Variants in RASSF2 observed in about 807,000 individuals in gnomAD.
RASSF2 encodes Ras association domain family member 2, also known as ras association domain-containing protein 2.
A neutral mutation model predicts 46.3 loss-of-function variants in RASSF2; 34 were observed. The observed-to-expected ratio is 0.73, with a 90% CI of 0.56 to 0.98. The LOEUF (loss-of-function observed/expected upper bound fraction) is 0.98, where lower values mean the gene tolerates loss of function less well. Ranked by LOEUF, RASSF2 falls within the 50% of genes least tolerant of loss-of-function variation. The pLI is 0.00. For synonymous variants in RASSF2, 158 were observed against 162.5 expected (o/e 0.97, Z 0.21); for missense variants, 364 against 431.2 (o/e 0.84, Z 1.38).
intron 6 of RASSF2, among the ~76,000 whole-genome samples, chr20:4,792,159 G>A (rs1467650984): frequency 6.6e-6 from 1 of 151,618 alleles, no homozygotes; most frequent in African/African-American, 2.4e-5. Flanking sequence ...GCAGAGGTGG[G>A]AGGATCACTT....
chr20:4,811,637 T>G (rs1393890341), intron 2 of RASSF2, among the ~76,000 whole-genome samples: 1 of 152,128 alleles, frequency 6.6e-6, no homozygotes, highest in Non-Finnish European at 1.5e-5. Flanking sequence ...CTACTAATAT[T>G]TCCAAGGAGA....
intron 2 of RASSF2, among the ~76,000 whole-genome samples, chr20:4,813,338 C>T (rs1392818627): frequency 6.6e-6 from 1 of 152,168 alleles, no homozygotes; most frequent in Non-Finnish European, 1.5e-5. Flanking sequence ...CTTCTGCCAC[C>T]AACTGTGGCC....
chr20:4,787,325 C>T (rs1303967267), intron 10 of RASSF2, among the ~76,000 whole-genome samples: 1 of 152,144 alleles, frequency 6.6e-6, no homozygotes, highest in East Asian at 1.9e-4. Context: ...GTAACTACTG[C>T]CCCAAAAGCC....
Position 4,790,355 on chromosome 20 carries a change from C to T in RASSF2, c.537+96G>A. Reference sequence around the variant, plus strand: ...AAACAGCAGCAAACACTTGGCTTCCCAGGCATCCACACCACCCACCATATG... The same window carrying T: ...AAACAGCAGCAAACACTTGGCTTCCTAGGCATCCACACCACCCACCATATG... On this transcript the variant is annotated intron_variant, in intron 7 of 11. Transcript: ENST00000379400. The surrounding 1 kb of genome is among the most constrained non-coding windows in gnomAD (Gnocchi z 4.3). 1.5e-6 allele frequency: 2 copies of T among 1,299,336 alleles called. No homozygotes were observed. The highest frequency in any genetic ancestry group is 2.0e-6 in the Non-Finnish European group (2 of 998,634). The allele number at this position is 1,299,336 out of a possible 1,614,324, so 80.5% of individuals were successfully genotyped here.
intron 2 of RASSF2, among the ~76,000 whole-genome samples, chr20:4,815,574 C>T (rs1928237885): frequency 6.6e-6 from 1 of 152,174 alleles, no homozygotes; most frequent in African/African-American, 2.4e-5. Flanking sequence ...AGGCAGAGAT[C>T]CTCCTTCTCG....
chr20:4,814,273 G>A lies in RASSF2; in HGVS notation c.-33+8056C>T, dbSNP rs1052906812. On this transcript the variant is annotated intron_variant, in intron 2 of 11. Transcript: ENST00000379400. ...AGCTCTGCAGAGACAGAGACAGACA[G>A]ATCCAGGCAGGTAAGGAGGGGCTGC... is the stretch of plus-strand genomic sequence containing the variant. Among the ~76,000 whole-genome samples, 6 of 152,202 alleles carry A rather than the reference G, an allele frequency of 3.9e-5. No homozygotes were observed. In the South Asian group the frequency reaches 1.0e-3, roughly 26 times the overall value.
chr20:4,805,641 T>C (rs1927282107), intron 2 of RASSF2, among the ~76,000 whole-genome samples: 1 of 151,866 alleles, frequency 6.6e-6, no homozygotes, highest in Admixed American at 6.6e-5. Flanking sequence ...TTTGGAAAGG[T>C]CACCCACCCA....
At chr20:4,804,293 G>A (rs1032703694) in intron 2 of RASSF2, among the ~76,000 whole-genome samples, 12 of 150,574 alleles carry the variant, frequency 8.0e-5, no homozygotes, top group African/African-American at 2.2e-4. Flanking sequence ...CATGAAAACC[G>A]GAGTACACAT....
At chr20:4,811,681 T>C (rs1927830222) in intron 2 of RASSF2, among the ~76,000 whole-genome samples, 1 of 152,212 alleles carries the variant, frequency 6.6e-6, no homozygotes, top group South Asian at 2.1e-4. Context: ...GCAGGGTCTA[T>C]GTGTGCAGGC....
At chr20:4,818,499 C>T (rs978473694) in intron 2 of RASSF2, among the ~76,000 whole-genome samples, 1 of 152,140 alleles carries the variant, frequency 6.6e-6, no homozygotes, top group Non-Finnish European at 1.5e-5. Flanking sequence ...CCTACTGGCT[C>T]CCAAGTGCCA....
intron 4 of RASSF2, among the ~76,000 whole-genome samples, chr20:4,796,269 C>G (rs1286649325): frequency 4.6e-5 from 7 of 152,148 alleles, no homozygotes; most frequent in Non-Finnish European, 1.0e-4. Flanking sequence ...TTAAAGAAAG[C>G]GGAATACATT....
intron 2 of RASSF2, among the ~76,000 whole-genome samples, chr20:4,817,389 A>G (rs1249674108): frequency 1.3e-5 from 2 of 152,222 alleles, no homozygotes; most frequent in Non-Finnish European, 2.9e-5. Context: ...GGTTGTCAAC[A>G]GAGCATTAAG....
intron 8 of RASSF2, among the ~76,000 whole-genome samples, chr20:4,789,063 G>A (rs1046650129): frequency 2.6e-5 from 4 of 152,124 alleles, no homozygotes; most frequent in Non-Finnish European, 5.9e-5. Context: ...AGAACACCTG[G>A]TCTCCAAAAG....
rs911611259 is a variant in RASSF2 at position 4,780,641 on chromosome 20, G to T, written c.*3632C>A. The T allele has an allele frequency of 6.6e-6, 1 of 152,224 alleles. No homozygotes were observed. Among genetic ancestry groups the T allele is most frequent in the African/African-American group, 2.4e-5 (1 of 41,448 alleles). The allele number at this position is 152,224 out of a possible 1,614,324, so 9.4% of individuals were successfully genotyped here. The stretch of plus-strand genomic sequence containing the variant: ...TTCTTCACGTCATGGTTTGGCCGCT[G>T]TAAGACACTGAAATTGCCTTGTTCA... On this transcript the variant is annotated 3_prime_UTR_variant, in exon 12 of 12. Transcript: ENST00000379400.
chr20:4,796,145 A>G (rs948451512), intron 4 of RASSF2, among the ~76,000 whole-genome samples, 179 bp from the exon 5 acceptor site: 2 of 152,238 alleles, frequency 1.3e-5, no homozygotes, highest in African/African-American at 2.4e-5. Context: ...TCTGACGTCA[A>G]CTACTCCAGA....
intron 11 of RASSF2, among the ~76,000 whole-genome samples, chr20:4,785,155 C>CAAAAAAAAAACA (rs1925202098): frequency 1.1e-5 from 1 of 92,572 alleles, no homozygotes; most frequent in Admixed American, 1.2e-4. Context: ...ACTAAAAATA[C>CAAAAAAAAAACA]AAAAAAAAAA....
intron 2 of RASSF2, among the ~76,000 whole-genome samples, chr20:4,820,311 C>A (rs764701976): frequency 6.6e-6 from 1 of 152,050 alleles, no homozygotes; most frequent in African/African-American, 2.4e-5. Context: ...TTGAGACCAG[C>A]CTGGATAACA....
In RASSF2 at chr20:4,802,467, C is replaced by T. The variant is rs377766102; in HGVS notation, c.-32-1405G>A. On this transcript the variant is annotated intron_variant, in intron 2 of 11. Transcript: ENST00000379400. The stretch of plus-strand genomic sequence containing the variant: ...GAGCAGATAAACAAAATGGAATATA[C>T]GCATCCAGTGGAATATTATTCAGCC... 2.6e-5 allele frequency among the ~76,000 whole-genome samples: 4 copies of T among 152,172 alleles called. No homozygotes were observed. The South Asian group carries it at 6.2e-4, about 24-fold the overall frequency.
Position 4,781,675 on chromosome 20 carries a change from A to G in RASSF2, c.*2598T>C, listed in dbSNP as rs1924835276. The stretch of plus-strand genomic sequence containing the variant: ...TTCCTTCACTTGATCACCTTGTAAC[A>G]TAAGCCCCTCCCGGGGTGGGGGTGG... On this transcript the variant is annotated 3_prime_UTR_variant, in exon 12 of 12. Transcript: ENST00000379400. 1 of 152,172 alleles carries G rather than the reference A, an allele frequency of 6.6e-6. No homozygotes were observed. The highest frequency in any genetic ancestry group is 1.5e-5 in the Non-Finnish European group (1 of 68,038). 9.4% of individuals were successfully genotyped at this position (152,172 alleles called of 1,614,324 possible).
Sources: allele counts gnomAD v4.1 joint callset (sites outside exome capture counted in the v4.1 genomes callset), GRCh38; gene constraint gnomAD v4.1.1; non-coding constraint Gnocchi (gnomAD v3.1); transcripts MANE v1.5; gene names NCBI Gene and HGNC (gene_info 2026-07-23, HGNC 2026-07-21).